Variants in SLC9C2 observed in about 807,000 individuals in gnomAD.
SLC9C2 encodes the protein sodium/hydrogen exchanger 11.
SLC9C2 carries 75 observed loss-of-function variants against 140.2 expected under a neutral mutation model. That is an observed-to-expected ratio of 0.53 (90% confidence interval 0.44 to 0.65). The LOEUF is 0.65. SLC9C2 is among the 30% of genes least tolerant of loss of function. The pLI, the probability that SLC9C2 is intolerant of heterozygous loss-of-function variation, is 0.00. For missense variants in SLC9C2, 1,074 were observed against 1,331.8 expected (o/e 0.81, Z 3.01); for synonymous variants, 375 against 420.9 (o/e 0.89, Z 1.34).
intron 7 of SLC9C2, among the ~76,000 whole-genome samples, chr1:173,581,458 G>C (rs1006661001): frequency 3.3e-5 from 5 of 152,150 alleles, no homozygotes; most frequent in Non-Finnish European, 5.9e-5. Context: ...TTGAATTAAA[G>C]GCTGTTGATC....
chr1:173,547,685 C>T lies in SLC9C2; in HGVS notation c.1557+4G>A, dbSNP rs774906751. ...TTTTAAAACATTATGTGAACAGCACCAACCATTTGTATTGCAGCTACATGC... is the reference window on the plus strand; with the variant it reads ...TTTTAAAACATTATGTGAACAGCACTAACCATTTGTATTGCAGCTACATGC... On this transcript the variant is annotated splice_donor_region_variant and intron_variant, in intron 13 of 27. Coordinates refer to ENST00000367714, the MANE Select transcript of SLC9C2 (RefSeq NM_178527.4). The T allele has an allele frequency of 6.2e-7, 1 of 1,606,590 alleles. No homozygotes were observed. Among genetic ancestry groups the T allele is most frequent in the Non-Finnish European group, 8.5e-7 (1 of 1,173,972 alleles).
intron 5 of SLC9C2, among the ~76,000 whole-genome samples, chr1:173,586,843 C>T (rs1314018098): frequency 1.3e-5 from 2 of 152,038 alleles, no homozygotes; most frequent in Non-Finnish European, 2.9e-5. Flanking sequence ...AACATATGGA[C>T]ACAGGGAGGG....
intron 13 of SLC9C2, among the ~76,000 whole-genome samples, chr1:173,543,106 A>C (rs1571516049): frequency 1.3e-5 from 2 of 152,206 alleles, no homozygotes; most frequent in African/African-American, 4.8e-5. Flanking sequence ...ATATTTAGAA[A>C]ACCCCATTGT....
At chr1:173,525,062 G>T in intron 19 of SLC9C2, 135 bp from the exon 20 acceptor site, 2 of 971,480 alleles carry the variant, frequency 2.1e-6, no homozygotes, top group Non-Finnish European at 2.9e-6. Context: ...AACTCATGAG[G>T]TCAGCAGGCA....
rs564970273 is a variant in SLC9C2 at position 173,575,424 on chromosome 1, C to T, written c.902+1237G>A. Among the ~76,000 whole-genome samples, 28 of 152,206 alleles carry T rather than the reference C, an allele frequency of 1.8e-4. No homozygotes were observed. In the South Asian group the frequency reaches 4.4e-3, roughly 24 times the overall value. ...AGACAGCACCACTGAGCTCAGGAAA[C>T]GGTCTAAATTGAGCATTACACCAAG... On this transcript the variant is annotated intron_variant, in intron 8 of 27. Transcript: ENST00000367714.
At position 173,548,393 on chromosome 1, in the gene SLC9C2, A is replaced by G. The variant is rs1385582560; in HGVS notation, c.1457T>C (p.Ile486Thr). ...TTTTGCCAGGTATCAACTCACAGGAATGTATTCGATCCTCGTTTTATCTTC... is the reference window on the plus strand; with the variant it reads ...TTTTGCCAGGTATCAACTCACAGGAGTGTATTCGATCCTCGTTTTATCTTC... ...LVEDKTRIEY[I>T]PFSHVSHNDM... Residue 486 changes from isoleucine (I) to threonine (T), a missense_variant, in exon 12 of 28, where the codon ATT becomes ACT. Coordinates refer to ENST00000367714, the MANE Select transcript of SLC9C2 (RefSeq NM_178527.4). 6.2e-7 allele frequency: 1 copy of G among 1,611,766 alleles called. No homozygotes were observed. The highest frequency in any genetic ancestry group is 8.5e-7 in the Non-Finnish European group (1 of 1,179,158).
intron 5 of SLC9C2, among the ~76,000 whole-genome samples, chr1:173,585,955 G>A (rs375048037): frequency 1.9e-4 from 29 of 151,524 alleles, no homozygotes; most frequent in African/African-American, 5.8e-4. Context: ...GGTATAGAGC[G>A]AAACTCCGTC....
At chr1:173,600,258 T>C in intron 2 of SLC9C2, 41 bp from the exon 3 acceptor site, 1 of 1,407,660 alleles carries the variant, frequency 7.1e-7, no homozygotes, top group Non-Finnish European at 1.0e-6. Context: ...GTACTCGAAG[T>C]ACAGTTTCTA....
chr1:173,546,348 C>T lies in SLC9C2; in HGVS notation c.1557+1341G>A, dbSNP rs146092791. On this transcript the variant is annotated intron_variant, in intron 13 of 27. Coordinates refer to ENST00000367714, the MANE Select transcript of SLC9C2 (RefSeq NM_178527.4). ...AGAAGTTTGAGACCAACCTGGCCAA[C>T]GTGCCAAAACCTCATCTCTACTAAA... 3.4e-3 allele frequency among the ~76,000 whole-genome samples: 522 copies of T among 152,290 alleles called. 3 individuals are homozygous for T. The highest frequency in any genetic ancestry group is 0.012 in the African/African-American group (504 of 41,548).
intron 13 of SLC9C2, among the ~76,000 whole-genome samples, chr1:173,541,616 A>G (rs1295916166): frequency 2.0e-5 from 3 of 152,124 alleles, no homozygotes. Flanking sequence ...GAAGTAAAGC[A>G]CTCCTTAGCA....
At chr1:173,543,870 A>G (rs1477288829) in intron 13 of SLC9C2, among the ~76,000 whole-genome samples, 2 of 152,254 alleles carry the variant, frequency 1.3e-5, no homozygotes, top group East Asian at 3.8e-4. Flanking sequence ...TGGATTAAAG[A>G]CTTAAATGTT....
chr1:173,594,918 GAGAC>G (rs1185128754), intron 4 of SLC9C2, among the ~76,000 whole-genome samples: 1 of 152,066 alleles, frequency 6.6e-6, no homozygotes, highest in African/African-American at 2.4e-5. Flanking sequence ...TTTTGTTTTT[GAGAC>G]AGAGTCTCGC....
At chr1:173,556,085 G>A (rs1202080753) in intron 10 of SLC9C2, among the ~76,000 whole-genome samples, 1 of 152,182 alleles carries the variant, frequency 6.6e-6, no homozygotes, top group African/African-American at 2.4e-5. Flanking sequence ...TCCTTGGTAG[G>A]TGAGTCAGTG....
In SLC9C2 at chr1:173,505,278, A is replaced by T; in HGVS notation, c.3279T>A (p.Leu1093=). The change falls in exon 26 of 28, where the codon CTT becomes CTA. Residue 1093 remains leucine, a synonymous_variant. Coordinates refer to ENST00000367714, the MANE Select transcript of SLC9C2 (RefSeq NM_178527.4). ...CATTGGTGTTACTATTTCTTTGGGT[A>T]AGCTCAGATGCTTGGATTATCAGCA... ...SKLLIIQASE[L]TQRNSNTNVM... 1 of 1,614,130 alleles carries T rather than the reference A, an allele frequency of 6.2e-7. No homozygotes were observed. The highest frequency in any genetic ancestry group is 8.5e-7 in the Non-Finnish European group (1 of 1,179,984).
intron 13 of SLC9C2, among the ~76,000 whole-genome samples, chr1:173,546,385 T>C (rs930367643): frequency 6.6e-6 from 1 of 151,954 alleles, no homozygotes; most frequent in South Asian, 2.1e-4. Context: ...ATACAAAAAT[T>C]AGCTGGGCAT....
intron 9 of SLC9C2, among the ~76,000 whole-genome samples, chr1:173,558,793 T>A (rs1663890915): frequency 6.6e-6 from 1 of 152,226 alleles, no homozygotes. Flanking sequence ...TGAAATATTT[T>A]TCTCTAGTCT....
chr1:173,544,790 A>G (rs542888504), intron 13 of SLC9C2, among the ~76,000 whole-genome samples: 56 of 152,306 alleles, frequency 3.7e-4, no homozygotes, highest in Middle Eastern at 3.4e-3. Flanking sequence ...TCTCACTCAT[A>G]GGTGGGAGTT....
At chr1:173,601,605 G>A (rs377353893) in intron 2 of SLC9C2, 45 bp downstream of exon 2, 1 of 1,595,740 alleles carries the variant, frequency 6.3e-7, no homozygotes. Context: ...TTGACAAAAG[G>A]TTCACAGGGC....
At chr1:173,525,027 A>C (rs765633401) in intron 19 of SLC9C2, 100 bp from the exon 20 acceptor site, 38 of 1,237,848 alleles carry the variant, frequency 3.1e-5, no homozygotes, top group Non-Finnish European at 4.0e-5. Flanking sequence ...TTTACACAAT[A>C]TTCTTTGATT....
Sources: allele counts gnomAD v4.1 joint callset (sites outside exome capture counted in the v4.1 genomes callset), GRCh38; gene constraint gnomAD v4.1.1; transcripts MANE v1.5; gene names NCBI Gene and HGNC (gene_info 2026-07-23, HGNC 2026-07-21).